Variants in SV2C observed in about 807,000 individuals in gnomAD.
SV2C encodes synaptic vesicle glycoprotein 2C, also known as solute carrier family 22 member B3.
A neutral mutation model predicts 79.7 loss-of-function variants in SV2C; 49 were observed. That is an observed-to-expected ratio of 0.61 (90% CI 0.49 to 0.78). The LOEUF (loss-of-function observed/expected upper bound fraction) is 0.78. SV2C is among the 30% of genes least tolerant of loss of function. The pLI is 0.00. For synonymous variants in SV2C, 334 were observed against 333.2 expected (o/e 1.00, Z -0.03); for missense variants, 833 against 912.9 (o/e 0.91, Z 1.13).
At chr5:76,100,304 G>A (rs577001439) in intron 1 of SV2C, among the ~76,000 whole-genome samples, 15 of 152,156 alleles carry the variant, frequency 9.9e-5, no homozygotes, top group South Asian at 6.2e-4. Flanking sequence ...TTTTTTCTAC[G>A]TTTGAATTAA....
At chr5:76,066,882 C>T in the SV2C span, among the ~76,000 whole-genome samples, 2 of 150,928 alleles carry the variant, frequency 1.3e-5, no homozygotes, top group South Asian at 4.2e-4. Flanking sequence ...TATCCATAGT[C>T]ATTTGGAGTC....
chr5:76,191,488 G>A (rs1744102248), intron 2 of SV2C, among the ~76,000 whole-genome samples: 2 of 152,188 alleles, frequency 1.3e-5, no homozygotes, highest in African/African-American at 4.8e-5. Context: ...GTTGGTATGA[G>A]AAAAACACTA....
chr5:76,198,084 A>C (rs904982457), intron 3 of SV2C, among the ~76,000 whole-genome samples: 5 of 152,074 alleles, frequency 3.3e-5, no homozygotes, highest in African/African-American at 1.2e-4. Flanking sequence ...GATGGTGCCC[A>C]CCCACCCCTG....
the SV2C span, among the ~76,000 whole-genome samples, chr5:75,989,133 CT>C: frequency 4.6e-5 from 7 of 151,746 alleles, no homozygotes; most frequent in South Asian, 1.0e-3. Flanking sequence ...AATAAACCAC[CT>C]TTTTTTCTTT....
At chr5:76,032,095 G>T in the SV2C span, among the ~76,000 whole-genome samples, 1 of 152,150 alleles carries the variant, frequency 6.6e-6, no homozygotes, top group Non-Finnish European at 1.5e-5. Context: ...GAATGAGATG[G>T]AGTATAAGCA....
At chr5:76,026,939 C>G in the SV2C span, among the ~76,000 whole-genome samples, 2 of 152,018 alleles carry the variant, frequency 1.3e-5, no homozygotes, top group Non-Finnish European at 2.9e-5. Context: ...TCGTCCAACC[C>G]CCACTTTTTA....
the SV2C span, among the ~76,000 whole-genome samples, chr5:76,071,632 T>A: frequency 6.6e-6 from 1 of 152,180 alleles, no homozygotes; most frequent in Admixed American, 6.5e-5. Context: ...ACCCAAAAGT[T>A]GGTCAGCACC....
At chr5:76,035,546 G>T in the SV2C span, among the ~76,000 whole-genome samples, 4 of 152,184 alleles carry the variant, frequency 2.6e-5, no homozygotes, top group South Asian at 8.3e-4. Context: ...CAGTTTCCAT[G>T]CAGTTGAGTG....
intron 2 of SV2C, among the ~76,000 whole-genome samples, chr5:76,146,773 A>T (rs1183027184): frequency 7.1e-6 from 1 of 141,624 alleles, no homozygotes; most frequent in Non-Finnish European, 1.5e-5. Flanking sequence ...GGAAAGAAAG[A>T]TGATAAAGGA....
intron 12 of SV2C, among the ~76,000 whole-genome samples, chr5:76,315,637 G>A (rs550972274): frequency 3.9e-5 from 6 of 152,296 alleles, no homozygotes; most frequent in South Asian, 2.1e-4. Context: ...GAAGGGTAGC[G>A]TGGAGGGAAT....
At chr5:76,035,337 G>A in the SV2C span, among the ~76,000 whole-genome samples, 1 of 151,582 alleles carries the variant, frequency 6.6e-6, no homozygotes, top group African/African-American at 2.4e-5. Context: ...TTTTAATTGT[G>A]ATGTTAGAGG....
At chr5:76,096,218 T>A (rs1362115200) in intron 1 of SV2C, among the ~76,000 whole-genome samples, 1 of 152,182 alleles carries the variant, frequency 6.6e-6, no homozygotes, top group Non-Finnish European at 1.5e-5. Context: ...CTTTTCCCTA[T>A]ATTTTATCCA....
chr5:75,940,566 C>G, the SV2C span, among the ~76,000 whole-genome samples: 3 of 152,164 alleles, frequency 2.0e-5, no homozygotes, highest in Non-Finnish European at 4.4e-5. Context: ...CACAAAGACT[C>G]TAATATCCTG....
At chr5:76,347,033 G>A (rs1363499229) in intron 12 of SV2C, among the ~76,000 whole-genome samples, 1 of 152,178 alleles carries the variant, frequency 6.6e-6, no homozygotes, top group African/African-American at 2.4e-5. Flanking sequence ...CTCTTGGTGA[G>A]AACTCTCATA....
intron 4 of SV2C, among the ~76,000 whole-genome samples, chr5:76,264,724 G>A (rs372111037): frequency 6.6e-6 from 1 of 152,168 alleles, no homozygotes. Context: ...TTTGATGGCG[G>A]TCGGCTCCAG....
chr5:76,250,964 A>G (rs1746096747), intron 4 of SV2C, among the ~76,000 whole-genome samples: 1 of 152,134 alleles, frequency 6.6e-6, no homozygotes, highest in Non-Finnish European at 1.5e-5. Context: ...GAAAACTACC[A>G]GGTAGACCCC....
At chr5:75,968,925 G>C in the SV2C span, among the ~76,000 whole-genome samples, 5 of 152,312 alleles carry the variant, frequency 3.3e-5, no homozygotes, top group Non-Finnish European at 7.4e-5. Context: ...CAGCCAGAGA[G>C]AAAGGTCGGG....
rs771696862 is a variant in SV2C, at chr5:76,196,713, C to G, written c.761+1614C>G. On this transcript the variant is annotated intron_variant, in intron 3 of 12. Transcript: ENST00000502798. ...GTCAACAGAAGGCTAACAGCATAAG[C>G]GCTGAATTTTCCAGTCCTTTCAGTT... is the stretch of plus-strand genomic sequence containing the variant. Among the ~76,000 whole-genome samples, 4 of 152,304 alleles carry G rather than the reference C, an allele frequency of 2.6e-5. No homozygotes were observed. The South Asian group carries it at 8.3e-4, about 32-fold the overall frequency.
At chr5:76,269,515 G>A (rs761131714) in intron 4 of SV2C, among the ~76,000 whole-genome samples, 1 of 152,184 alleles carries the variant, frequency 6.6e-6, no homozygotes, top group South Asian at 2.1e-4. Context: ...CATGGTGGGT[G>A]CATTATAAAT....
Sources: gnomAD v4.1 joint callset for allele counts (sites outside exome capture counted in the v4.1 genomes callset) on GRCh38, gnomAD v4.1.1 for gene constraint, MANE v1.5 for transcripts, NCBI Gene and HGNC (gene_info 2026-07-23, HGNC 2026-07-21) for gene names.